The following SFMBT2 variants were observed in gnomAD, a reference collection of about 807,000 sequenced individuals.
SFMBT2 encodes Scm like with four mbt domains 2, also known as scm-like with four MBT domains protein 2.
A neutral mutation model predicts 110.1 loss-of-function variants in SFMBT2; 38 were observed. The ratio of observed to expected loss-of-function variants is 0.35; its 90% CI spans 0.27 to 0.45. The LOEUF is 0.45. Among genes scored for constraint, SFMBT2 ranks in the 20% least tolerant of loss-of-function variants. SFMBT2 has a pLI of 1.00. For synonymous variants in SFMBT2, 425 were observed against 425.4 expected, an observed-to-expected ratio of 1.00 and a Z score of 0.01; for missense variants, 1,011 against 1,094.9, an observed-to-expected ratio of 0.92 and a Z score of 1.08.
At chr10:7,327,609 A>AGATG (rs768377211) in intron 4 of SFMBT2, among the ~76,000 whole-genome samples, 1 of 151,494 alleles carries the variant, frequency 6.6e-6, no homozygotes, top group Non-Finnish European at 1.5e-5. Context: ...TGAAGTCAGG[A>AGATG]GATGGAGGTT....
At chr10:7,349,252 C>G (rs1433457527) in intron 4 of SFMBT2, among the ~76,000 whole-genome samples, 5 of 151,986 alleles carry the variant, frequency 3.3e-5, no homozygotes, top group Non-Finnish European at 7.4e-5. Context: ...TGGAATGGCA[C>G]GTGTGATGGA....
chr10:7,325,163 T>G (rs1843341891), intron 4 of SFMBT2, among the ~76,000 whole-genome samples: 1 of 151,550 alleles, frequency 6.6e-6, no homozygotes, highest in Admixed American at 6.6e-5. Context: ...AGACGGGGTT[T>G]CACCATGTTG....
chr10:7,223,784 T>C (rs1427212037), intron 10 of SFMBT2, among the ~76,000 whole-genome samples: 3 of 152,244 alleles, frequency 2.0e-5, no homozygotes, highest in African/African-American at 7.2e-5. Flanking sequence ...TTGAAAATCT[T>C]TTAAAAATAT....
rs891500181 is a variant in SFMBT2 at position 7,301,144 on chromosome 10, C to T, written c.437-15190G>A. ...CTTCCCGATGGAGGCAGTTGAGAAC[C>T]ATGCCTGCAACGAACAGAAGTTCCT... is the stretch of plus-strand genomic sequence containing the variant. On this transcript the variant is annotated intron_variant, in intron 4 of 20. Transcript: ENST00000397167. This position sits in a 1 kb window ranked among gnomAD's most constrained non-coding sequence, Gnocchi z 4.2. 6.6e-6 allele frequency among the ~76,000 whole-genome samples: 1 copy of T among 152,188 alleles called. No individual in the cohort carries two copies. Among genetic ancestry groups the T allele is most frequent in the Non-Finnish European group, 1.5e-5 (1 of 68,034 alleles).
Position 7,306,410 on chromosome 10 carries a change from C to T in SFMBT2, c.437-20456G>A, listed in dbSNP as rs145933912. Reference sequence around the variant, plus strand: ...TGTCCGTAAATAAAGTTTATTGGAGCACAGCCACGTCATTCATTTATGTAT... The same window carrying T: ...TGTCCGTAAATAAAGTTTATTGGAGTACAGCCACGTCATTCATTTATGTAT... On this transcript the variant is annotated intron_variant, in intron 4 of 20. Transcript: ENST00000397167. Among the ~76,000 whole-genome samples, 4 of 152,272 alleles carry T rather than the reference C, an allele frequency of 2.6e-5. No individual in the cohort carries two copies. The East Asian group carries it at 7.7e-4, about 29-fold the overall frequency.
At chr10:7,224,319 C>G (rs1015785251) in intron 10 of SFMBT2, among the ~76,000 whole-genome samples, 1 of 152,140 alleles carries the variant, frequency 6.6e-6, no homozygotes, top group Non-Finnish European at 1.5e-5. Context: ...GTCTTCCTGG[C>G]ACCTACATGA....
chr10:7,338,888 G>A (rs1428450989), intron 4 of SFMBT2, among the ~76,000 whole-genome samples: 1 of 152,122 alleles, frequency 6.6e-6, no homozygotes, highest in Admixed American at 6.5e-5. Flanking sequence ...AGGCTCTTCA[G>A]GGTAATGTCT....
intron 1 of SFMBT2, among the ~76,000 whole-genome samples, chr10:7,390,148 G>C (rs559433514): frequency 2.6e-5 from 4 of 152,116 alleles, no homozygotes; most frequent in African/African-American, 9.7e-5. Context: ...CACTGGAAGC[G>C]TATCTAGTAC....
chr10:7,390,829 T>C (rs1265921956), intron 1 of SFMBT2, among the ~76,000 whole-genome samples: 1 of 152,190 alleles, frequency 6.6e-6, no homozygotes, highest in African/African-American at 2.4e-5. Flanking sequence ...GCCTGGTGCG[T>C]TGGCTCATGC....
At chr10:7,183,370 C>T (rs1241250033) in intron 16 of SFMBT2, among the ~76,000 whole-genome samples, 2 of 152,108 alleles carry the variant, frequency 1.3e-5, no homozygotes, top group East Asian at 1.9e-4. Flanking sequence ...GCAGTGCTCT[C>T]GGAAGCACAC....
At chr10:7,295,465 G>A (rs979288451) in intron 4 of SFMBT2, among the ~76,000 whole-genome samples, 6 of 152,148 alleles carry the variant, frequency 3.9e-5, no homozygotes, top group Non-Finnish European at 2.9e-5. Flanking sequence ...AGACTTAGAC[G>A]GCTTTAGGAA....
chr10:7,309,778 T>C (rs889401149), intron 4 of SFMBT2, among the ~76,000 whole-genome samples: 2 of 152,130 alleles, frequency 1.3e-5, no homozygotes, highest in African/African-American at 4.8e-5. Context: ...CTTACATCCA[T>C]AATAATCCTT....
At chr10:7,290,989 C>G (rs1344878471) in intron 4 of SFMBT2, among the ~76,000 whole-genome samples, 2 of 152,216 alleles carry the variant, frequency 1.3e-5, no homozygotes, top group Non-Finnish European at 2.9e-5. Flanking sequence ...AAAGCCGGGT[C>G]ACCTCTCAGG....
At chr10:7,225,798 C>T (rs972910637) in intron 10 of SFMBT2, among the ~76,000 whole-genome samples, 6 of 152,070 alleles carry the variant, frequency 3.9e-5, no homozygotes, top group African/African-American at 1.2e-4. Flanking sequence ...GTTAATGATT[C>T]GGGGAAGGAA....
chr10:7,325,499 C>G (rs534612339), intron 4 of SFMBT2, among the ~76,000 whole-genome samples: 62 of 152,344 alleles, frequency 4.1e-4, no homozygotes, highest in African/African-American at 1.4e-3. Context: ...TCAATCCAGT[C>G]AGAGCCAAGG....
intron 11 of SFMBT2, among the ~76,000 whole-genome samples, chr10:7,218,814 C>G (rs549191596): frequency 1.3e-5 from 2 of 152,230 alleles, no homozygotes; most frequent in South Asian, 4.1e-4. Flanking sequence ...AATTAAGCAA[C>G]AGAGAAAATG....
chr10:7,401,814 G>A (rs1846090308), intron 1 of SFMBT2, among the ~76,000 whole-genome samples: 1 of 152,170 alleles, frequency 6.6e-6, no homozygotes, highest in Admixed American at 6.5e-5. Context: ...TTCGTTCTAT[G>A]CCCTTGACTT....
intron 7 of SFMBT2, among the ~76,000 whole-genome samples, chr10:7,252,399 A>G (rs1016414928): frequency 6.6e-6 from 1 of 152,150 alleles, no homozygotes; most frequent in African/African-American, 2.4e-5. Context: ...GCTTATGGGT[A>G]ATGACTTCAG....
intron 12 of SFMBT2, chr10:7,204,491 T>C (rs538848188): frequency 4.1e-6 from 4 of 969,636 alleles, no homozygotes; most frequent in South Asian, 5.0e-5. Flanking sequence ...ACTTCTGATA[T>C]GCATTAGGGT....
Sources: allele counts gnomAD v4.1 joint callset (sites outside exome capture counted in the v4.1 genomes callset), GRCh38; gene constraint gnomAD v4.1.1; non-coding constraint Gnocchi (gnomAD v3.1); transcripts MANE v1.5; gene names NCBI Gene and HGNC (gene_info 2026-07-23, HGNC 2026-07-21).